The following PCGF5 variants were observed in gnomAD, a reference collection of about 807,000 sequenced individuals.
The protein encoded by PCGF5 is polycomb group RING finger protein 5.
PCGF5 carries 9 observed loss-of-function variants against 44.3 expected under a neutral mutation model. That is an observed-to-expected ratio of 0.20 (90% CI 0.12 to 0.35). The LOEUF (loss-of-function observed/expected upper bound fraction) is 0.35, where lower values mean the gene tolerates loss of function less well. PCGF5 is among the 10% of genes least tolerant of loss of function. PCGF5 has a pLI of 1.00. For missense variants in PCGF5, 146 were observed against 305.3 expected, an observed-to-expected ratio of 0.48 and a Z score of 3.89; for synonymous variants, 95 against 102.5, an observed-to-expected ratio of 0.93 and a Z score of 0.44.
At chr10:91,208,874 T>C (rs1421255336) in intron 1 of PCGF5, among the ~76,000 whole-genome samples, 3 of 152,182 alleles carry the variant, frequency 2.0e-5, no homozygotes, top group African/African-American at 7.2e-5. Context: ...AACCAAACTT[T>C]ATTGGTACCA....
At chr10:91,261,287 T>G in intron 6 of PCGF5, 39 bp from the exon 7 acceptor site, 1 of 1,430,064 alleles carries the variant, frequency 7.0e-7, no homozygotes, top group Non-Finnish European at 9.3e-7. Flanking sequence ...ACATTTTAAC[T>G]GGTAGAACAT....
Position 91,280,231 on chromosome 10 carries a change from G to A in PCGF5, c.*1915G>A, listed in dbSNP as rs916693002. On this transcript the variant is annotated 3_prime_UTR_variant, in exon 10 of 10. Coordinates refer to ENST00000336126, the MANE Select transcript of PCGF5 (RefSeq NM_032373.5). ...AACTTTTACAAATTATTATAAATTTGTCACACCTAGGTCAGCGATTAAAAT... is the reference window on the plus strand; with the variant it reads ...AACTTTTACAAATTATTATAAATTTATCACACCTAGGTCAGCGATTAAAAT... 1.3e-5 allele frequency: 2 copies of A among 151,982 alleles called. No homozygotes were observed. Among genetic ancestry groups the A allele is most frequent in the Non-Finnish European group, 2.9e-5 (2 of 67,880 alleles). The allele number at this position is 151,982 out of a possible 1,614,324, so 9.4% of individuals were successfully genotyped here.
At chr10:91,234,103 A>G (rs759285802) in intron 2 of PCGF5, among the ~76,000 whole-genome samples, 3 of 152,246 alleles carry the variant, frequency 2.0e-5, no homozygotes, top group Non-Finnish European at 2.9e-5. Context: ...CATCTAAGAT[A>G]GCAACAACAA....
intron 1 of PCGF5, among the ~76,000 whole-genome samples, chr10:91,202,530 G>A (rs1224958425): frequency 1.3e-5 from 2 of 152,194 alleles, no homozygotes; most frequent in African/African-American, 4.8e-5. Context: ...TTGGCACATA[G>A]TGAGTAGTCA....
Position 91,241,646 on chromosome 10 carries a change from T to C in PCGF5, c.209+1066T>C, listed in dbSNP as rs556400734. On this transcript the variant is annotated intron_variant, in intron 3 of 9. Coordinates refer to ENST00000336126, the MANE Select transcript of PCGF5 (RefSeq NM_032373.5). ...GCACAAAAGGGGTCAATTCCGGAGT[T>C]AGCTTTTTAGTACTTTTGAACTTAA... 1.8e-4 allele frequency among the ~76,000 whole-genome samples: 27 copies of C among 151,958 alleles called. No individual in the cohort carries two copies. In the South Asian group the frequency reaches 5.4e-3, roughly 30 times the overall value.
At chr10:91,222,028 A>T (rs1844696432) in intron 1 of PCGF5, among the ~76,000 whole-genome samples, 1 of 152,170 alleles carries the variant, frequency 6.6e-6, no homozygotes, top group South Asian at 2.1e-4. Flanking sequence ...GAGAGGAGTG[A>T]TCCCTTCAGG....
intron 2 of PCGF5, among the ~76,000 whole-genome samples, chr10:91,233,757 A>C (rs1845075235): frequency 6.6e-6 from 1 of 152,224 alleles, no homozygotes; most frequent in African/African-American, 2.4e-5. Context: ...AAGAGTTTTC[A>C]AGACAAAAAT....
At position 91,280,666 on chromosome 10, in the gene PCGF5, A is replaced by C. The variant is rs1035168587; in HGVS notation, c.*2350A>C. ...TACTACTAGAATCACAGATTTCTTC[A>C]ACTGACTTATTTTGGTATATTCAAC... On this transcript the variant is annotated 3_prime_UTR_variant, in exon 10 of 10. Transcript: ENST00000336126. 6.6e-6 allele frequency: 1 copy of C among 152,460 alleles called. No homozygotes were observed. The highest frequency in any genetic ancestry group is 1.5e-5 in the Non-Finnish European group (1 of 67,882). The allele number at this position is 152,460 out of a possible 1,614,324, so 9.4% of individuals were successfully genotyped here.
At chr10:91,178,336 G>T (rs1342150526) in intron 1 of PCGF5, among the ~76,000 whole-genome samples, 1 of 151,928 alleles carries the variant, frequency 6.6e-6, no homozygotes, top group Non-Finnish European at 1.5e-5. Flanking sequence ...GTTTGCCTTT[G>T]GGAGTGACTG....
chr10:91,199,601 C>T (rs543109317), intron 1 of PCGF5, among the ~76,000 whole-genome samples: 3 of 152,278 alleles, frequency 2.0e-5, no homozygotes, highest in Admixed American at 2.0e-4. Context: ...CATTAATGTA[C>T]GTGAAATTCA....
At chr10:91,165,405 A>G (rs995239840) in intron 1 of PCGF5, among the ~76,000 whole-genome samples, 4 of 152,230 alleles carry the variant, frequency 2.6e-5, no homozygotes, top group Middle Eastern at 3.2e-3. Flanking sequence ...TTGGAATACT[A>G]ATATTTCCAT....
chr10:91,257,414 G>T (rs557067962), intron 6 of PCGF5, among the ~76,000 whole-genome samples: 1 of 152,094 alleles, frequency 6.6e-6, no homozygotes, highest in African/African-American at 2.4e-5. Context: ...AAGAGTTGAC[G>T]TGGTAATTCC....
intron 1 of PCGF5, among the ~76,000 whole-genome samples, chr10:91,194,235 G>T (rs1844086411): frequency 6.6e-6 from 1 of 152,178 alleles, no homozygotes; most frequent in South Asian, 2.1e-4. Flanking sequence ...CACATGTGAT[G>T]GTTAAGATAA....
At chr10:91,256,060 A>G (rs1845745548) in intron 6 of PCGF5, among the ~76,000 whole-genome samples, 1 of 152,076 alleles carries the variant, frequency 6.6e-6, no homozygotes, top group African/African-American at 2.4e-5. Flanking sequence ...GCAGGACTGC[A>G]GTTACAGAGA....
At chr10:91,229,670 A>C (rs983692033) in intron 2 of PCGF5, among the ~76,000 whole-genome samples, 1 of 152,154 alleles carries the variant, frequency 6.6e-6, no homozygotes, top group Admixed American at 6.5e-5. Flanking sequence ...ACCTGTTTTC[A>C]TGACTATGTA....
chr10:91,259,824 T>C (rs1285520825), intron 6 of PCGF5, among the ~76,000 whole-genome samples: 1 of 152,094 alleles, frequency 6.6e-6, no homozygotes, highest in Non-Finnish European at 1.5e-5. Flanking sequence ...TTAAGATGGA[T>C]TAAAGACTTA....
In PCGF5 at chr10:91,282,928, G is replaced by A. The variant is rs1408367791; in HGVS notation, c.*4612G>A. 1 of 152,348 alleles carries A rather than the reference G, an allele frequency of 6.6e-6. No homozygotes were observed. The highest frequency in any genetic ancestry group is 2.4e-5 in the African/African-American group (1 of 41,418). 9.4% of individuals were successfully genotyped at this position (152,348 alleles called of 1,614,324 possible). A position where few individuals can be genotyped will look rare whatever the true frequency, so the allele number is the denominator to read the frequency against. On this transcript the variant is annotated 3_prime_UTR_variant, in exon 10 of 10. Coordinates refer to ENST00000336126, the MANE Select transcript of PCGF5 (RefSeq NM_032373.5). ...TGTAATATATATTCCTACAGTTTGGGTAGAAATAAGGAACATGTCTGCTAG... is the reference window on the plus strand; with the variant it reads ...TGTAATATATATTCCTACAGTTTGGATAGAAATAAGGAACATGTCTGCTAG...
intron 7 of PCGF5, 90 bp from the exon 8 acceptor site, chr10:91,264,341 A>G (rs1006548811): frequency 3.1e-6 from 3 of 982,616 alleles, no homozygotes; most frequent in Admixed American, 4.7e-5. Context: ...TGTTCCAACT[A>G]TTTGAATATT....
rs939648035 is a variant in PCGF5, at chr10:91,209,347, C to T, written c.-183-13342C>T. ...ATGGGGCTGGGCACAGTGGCACACA[C>T]CTGTAATCCCAGAACTTTTGGGAGG... On this transcript the variant is annotated intron_variant, in intron 1 of 9. Coordinates refer to the PCGF5 transcript ENST00000614189. 5.3e-5 allele frequency among the ~76,000 whole-genome samples: 8 copies of T among 152,236 alleles called. No homozygotes were observed. In the East Asian group the frequency reaches 1.5e-3, roughly 29 times the overall value.
Sources: allele counts gnomAD v4.1 joint callset (sites outside exome capture counted in the v4.1 genomes callset), GRCh38; gene constraint gnomAD v4.1.1; transcripts MANE v1.5; gene names NCBI Gene and HGNC (gene_info 2026-07-23, HGNC 2026-07-21).